Variants in TTC29 observed in about 807,000 individuals in gnomAD.
TTC29 encodes the protein tetratricopeptide repeat protein 29.
Under a neutral mutation model 58.1 loss-of-function variants are expected in TTC29, and 49 were observed. That is an observed-to-expected ratio of 0.84 (90% CI 0.67 to 1.07). The LOEUF (loss-of-function observed/expected upper bound fraction) is 1.07, where lower values mean the gene tolerates loss of function less well. Among genes scored for constraint, TTC29 ranks in the 50% least tolerant of loss-of-function variants. TTC29 has a pLI of 0.00. For synonymous variants in TTC29, 209 were observed against 196.8 expected (o/e 1.06, Z -0.52); for missense variants, 582 against 555.6 (o/e 1.05, Z -0.48).
At chr4:146,846,108 C>T (rs1729152596) in intron 8 of TTC29, among the ~76,000 whole-genome samples, 1 of 151,700 alleles carries the variant, frequency 6.6e-6, no homozygotes, top group Non-Finnish European at 1.5e-5. Flanking sequence ...CATTCTACCG[C>T]ATTCAATAAG....
At chr4:146,854,549 T>G (rs1450838573) in intron 8 of TTC29, among the ~76,000 whole-genome samples, 1 of 152,128 alleles carries the variant, frequency 6.6e-6, no homozygotes, top group Non-Finnish European at 1.5e-5. Context: ...TAAATTTTTC[T>G]CCTTCATCCT....
At chr4:146,725,175 T>TA (rs1743676498) in intron 11 of TTC29, among the ~76,000 whole-genome samples, 1 of 152,202 alleles carries the variant, frequency 6.6e-6, no homozygotes, top group Non-Finnish European at 1.5e-5. Context: ...AAAGGCATTA[T>TA]ATAAACTATA....
intron 11 of TTC29, among the ~76,000 whole-genome samples, chr4:146,775,389 T>C (rs1748014763): frequency 6.6e-6 from 1 of 152,132 alleles, no homozygotes; most frequent in Non-Finnish European, 1.5e-5. Context: ...GGTAACAATC[T>C]TTTCTTTCCA....
intron 11 of TTC29, among the ~76,000 whole-genome samples, chr4:146,761,819 T>C (rs1224716837): frequency 6.6e-6 from 1 of 151,782 alleles, no homozygotes; most frequent in East Asian, 1.9e-4. Flanking sequence ...AATGATGATT[T>C]ATCTGAGTTA....
intron 11 of TTC29, among the ~76,000 whole-genome samples, chr4:146,715,620 G>C (rs1400271224): frequency 6.6e-6 from 1 of 152,090 alleles, no homozygotes; most frequent in Non-Finnish European, 1.5e-5. Context: ...AAGGGTCGGG[G>C]GATGGGAGAA....
rs1554002735 is a variant in TTC29 at position 146,708,341 on chromosome 4, T to TGTATATATATATATATATATAC, written c.1331-791_1331-790insGTATATATATATATATATATAC. ...ATATATATATATATATATATATATA[T>TGTATATATATATATATATATAC]ATATATATATATATACACATGTATG... is the stretch of plus-strand genomic sequence containing the variant. On this transcript the variant is annotated intron_variant, in intron 11 of 12. Coordinates refer to ENST00000325106, the MANE Select transcript of TTC29 (RefSeq NM_031956.4). Among the ~76,000 whole-genome samples the TGTATATATATATATATATATAC allele has an allele frequency of 4.8e-5, 3 of 62,858 alleles. No individual in the cohort carries two copies. In the East Asian group the frequency reaches 1.9e-3, roughly 40 times the overall value. The allele number at this position is 62,858 out of a possible 152,430, so 41.2% of individuals were successfully genotyped here.
intron 6 of TTC29, 27 bp from the exon 7 acceptor site, chr4:146,874,955 A>G: frequency 6.3e-7 from 1 of 1,590,656 alleles, no homozygotes; most frequent in Non-Finnish European, 8.6e-7. Flanking sequence ...ATTCATAAGT[A>G]TAAACCAGAG....
At chr4:146,750,804 A>G (rs368121017) in intron 11 of TTC29, among the ~76,000 whole-genome samples, 5 of 152,212 alleles carry the variant, frequency 3.3e-5, no homozygotes, top group African/African-American at 1.2e-4. Context: ...AGAGGATGAA[A>G]GGAACAAAGG....
At chr4:146,936,719 C>T (rs1176674376) in intron 4 of TTC29, among the ~76,000 whole-genome samples, 2 of 151,914 alleles carry the variant, frequency 1.3e-5, no homozygotes, top group Admixed American at 6.6e-5. Flanking sequence ...ATGGAAAACA[C>T]CAAGAGACTT....
At chr4:146,741,594 C>T (rs967168090) in intron 11 of TTC29, among the ~76,000 whole-genome samples, 1 of 151,408 alleles carries the variant, frequency 6.6e-6, no homozygotes, top group African/African-American at 2.4e-5. Flanking sequence ...TAACTCTTAA[C>T]TGGTCTCTTT....
At chr4:146,739,422 G>A (rs895454938) in intron 11 of TTC29, among the ~76,000 whole-genome samples, 7 of 151,956 alleles carry the variant, frequency 4.6e-5, no homozygotes, top group Admixed American at 3.3e-4. Context: ...CTTTTCTGTA[G>A]TCCATATTAT....
intron 6 of TTC29, among the ~76,000 whole-genome samples, chr4:146,896,452 G>A (rs1732775403): frequency 6.6e-6 from 1 of 152,096 alleles, no homozygotes; most frequent in African/African-American, 2.4e-5. Flanking sequence ...TTTCTCCTTG[G>A]ATACAGGTAG....
At chr4:146,756,701 T>C (rs1746475141) in intron 11 of TTC29, among the ~76,000 whole-genome samples, 1 of 151,928 alleles carries the variant, frequency 6.6e-6, no homozygotes, top group Non-Finnish European at 1.5e-5. Flanking sequence ...ATCCCAGACT[T>C]CTTGGAGTCT....
chr4:146,787,307 A>G (rs1013407443), intron 11 of TTC29, among the ~76,000 whole-genome samples: 1 of 152,310 alleles, frequency 6.6e-6, no homozygotes, highest in Middle Eastern at 3.4e-3. Context: ...AATTCTACTT[A>G]AACATCATGC....
At chr4:146,850,541 C>G (rs1729450862) in intron 8 of TTC29, among the ~76,000 whole-genome samples, 1 of 152,176 alleles carries the variant, frequency 6.6e-6, no homozygotes, top group Admixed American at 6.5e-5. Context: ...GGGAACTGAA[C>G]AAAGTTTAAT....
At chr4:146,716,851 G>A (rs1006485068) in intron 11 of TTC29, among the ~76,000 whole-genome samples, 1 of 152,082 alleles carries the variant, frequency 6.6e-6, no homozygotes. Context: ...AGAATGAACT[G>A]GTCTATTTAA....
intron 11 of TTC29, among the ~76,000 whole-genome samples, chr4:146,741,570 C>A (rs1267735974): frequency 6.6e-6 from 1 of 151,758 alleles, no homozygotes; most frequent in Non-Finnish European, 1.5e-5. Flanking sequence ...CATCTCTTCC[C>A]TAGATTATTG....
chr4:146,843,270 A>G (rs141124408), intron 8 of TTC29, among the ~76,000 whole-genome samples: 3 of 152,226 alleles, frequency 2.0e-5, no homozygotes, highest in African/African-American at 7.2e-5. Flanking sequence ...CAAATATGTT[A>G]TCTTGAGTGG....
At chr4:146,797,861 T>TATATATATATATATATATATATATATA (rs1749935785) in intron 11 of TTC29, among the ~76,000 whole-genome samples, 1 of 144,124 alleles carries the variant, frequency 6.9e-6, no homozygotes, top group Non-Finnish European at 1.5e-5. Flanking sequence ...TATATATATA[T>TATATATATATATATATATATATATATA]TCGTTCTCTC....
Sources: gnomAD v4.1 joint callset for allele counts (sites outside exome capture counted in the v4.1 genomes callset) on GRCh38, gnomAD v4.1.1 for gene constraint, MANE v1.5 for transcripts, NCBI Gene and HGNC (gene_info 2026-07-23, HGNC 2026-07-21) for gene names.